Variants in SUCLA2 observed in about 807,000 individuals in gnomAD.
SUCLA2 encodes the protein succinate-CoA ligase ADP-forming subunit beta.
SUCLA2 carries 30 observed loss-of-function variants against 54.8 expected under a neutral mutation model. The observed-to-expected ratio is 0.55, with a 90% confidence interval of 0.41 to 0.74. The LOEUF is 0.74. Among genes scored for constraint, SUCLA2 ranks in the 30% least tolerant of loss-of-function variants. The pLI, the probability that SUCLA2 is intolerant of heterozygous loss-of-function variation, is 0.00. For synonymous variants in SUCLA2, 172 were observed against 188.9 expected (o/e 0.91, Z 0.74); for missense variants, 476 against 562.9 (o/e 0.85, Z 1.56).
rs1333995641 is a variant in SUCLA2, at chr13:47,947,246, GTATGCATGTGTATGCACACACGCACAAT to G, written c.1317+1666_1317+1693del. Among the ~76,000 whole-genome samples the G allele has an allele frequency of 3.3e-5, 5 of 150,702 alleles. No individual in the cohort carries two copies. The Admixed American group carries it at 3.3e-4, about 10-fold the overall frequency. On this transcript the variant is annotated intron_variant, in intron 10 of 10. Transcript: ENST00000646932. ...CAGTATGCCAGTGGAACACACATGT[GTATGCATGTGTATGCACACACGCACAAT>G]ACACACACACACACACACACACACA...
chr13:48,000,891 T>A, intron 1 of SUCLA2: 1 of 1,303,026 alleles, frequency 7.7e-7, no homozygotes, highest in Non-Finnish European at 9.8e-7. Flanking sequence ...CCCCCTCACC[T>A]CCACTCAGAG....
At chr13:47,973,207 T>C in intron 5 of SUCLA2, 57 bp downstream of exon 5, 1 of 1,453,904 alleles carries the variant, frequency 6.9e-7, no homozygotes, top group East Asian at 2.3e-5. Flanking sequence ...TACGGTTATC[T>C]TTAAGTATCA....
At chr13:47,951,106 C>A (rs1277511811) in intron 8 of SUCLA2, among the ~76,000 whole-genome samples, 1 of 152,114 alleles carries the variant, frequency 6.6e-6, no homozygotes, top group African/African-American at 2.4e-5. Context: ...TGGATCTTTA[C>A]TCTACCAAGC....
At chr13:47,972,487 G>T (rs923379334) in intron 5 of SUCLA2, among the ~76,000 whole-genome samples, 1 of 151,652 alleles carries the variant, frequency 6.6e-6, no homozygotes, top group African/African-American at 2.4e-5. Context: ...TGATCAACAA[G>T]ATGAAACTCC....
chr13:47,972,399 T>A (rs1460010807), intron 5 of SUCLA2, among the ~76,000 whole-genome samples: 1 of 152,110 alleles, frequency 6.6e-6, no homozygotes, highest in African/African-American at 2.4e-5. Flanking sequence ...CTGGGCGCGC[T>A]GGCTCACGCC....
intron 5 of SUCLA2, chr13:47,971,677 G>GT (rs1342781131): frequency 5.0e-5 from 19 of 380,874 alleles, no homozygotes; most frequent in African/African-American, 3.9e-4. Context: ...GGACCACAGC[G>GT]TTCATCGAAT....
At chr13:47,962,506 A>G (rs1191841636) in intron 6 of SUCLA2, among the ~76,000 whole-genome samples, 1 of 152,208 alleles carries the variant, frequency 6.6e-6, no homozygotes, top group Non-Finnish European at 1.5e-5. Context: ...AGTATATGGG[A>G]CTGAAGATTA....
intron 6 of SUCLA2, among the ~76,000 whole-genome samples, chr13:47,958,925 A>AC (rs1949843838): frequency 6.6e-6 from 1 of 152,172 alleles, no homozygotes; most frequent in Non-Finnish European, 1.5e-5. Context: ...TTTTAGGTAA[A>AC]CTTCTTGTGT....
chr13:48,000,863 C>T (rs1950224714), intron 1 of SUCLA2: 38 of 1,187,348 alleles, frequency 3.2e-5, no homozygotes, highest in Non-Finnish European at 4.0e-5. Context: ...GCCGGAATGG[C>T]AGCAGAAAAT....
chr13:47,950,805 C>G lies in SUCLA2; in HGVS notation c.1108-1202G>C, dbSNP rs529396867. On this transcript the variant is annotated intron_variant, in intron 8 of 10. Transcript: ENST00000646932. ...TCTGGGGCAGCAGGAGCCTCAGGGCCAGTGGACTCTGACTACAAGCAATCT... is the reference window on the plus strand; with the variant it reads ...TCTGGGGCAGCAGGAGCCTCAGGGCGAGTGGACTCTGACTACAAGCAATCT... 2.4e-4 allele frequency among the ~76,000 whole-genome samples: 37 copies of G among 152,236 alleles called. No homozygotes were observed. In the South Asian group the frequency reaches 7.5e-3, roughly 31 times the overall value.
intron 6 of SUCLA2, among the ~76,000 whole-genome samples, chr13:47,965,985 T>C (rs1001047408): frequency 1.3e-5 from 2 of 152,118 alleles, no homozygotes; most frequent in African/African-American, 4.8e-5. Context: ...GAGGTGGAGC[T>C]TGCAGTCAGC....
chr13:47,992,760 T>C (rs560467517), intron 2 of SUCLA2, among the ~76,000 whole-genome samples: 1 of 152,268 alleles, frequency 6.6e-6, no homozygotes, highest in Admixed American at 6.5e-5. Flanking sequence ...AATAAATATT[T>C]AAAAGAAAGA....
Position 47,968,723 on chromosome 13 carries a change from T to C in SUCLA2, c.674A>G (p.Lys225Arg). 1 of 1,612,502 alleles carries C rather than the reference T, an allele frequency of 6.2e-7. No homozygotes were observed. Among genetic ancestry groups the C allele is most frequent in the Non-Finnish European group, 8.5e-7 (1 of 1,179,882 alleles). ...CACAATATTAGGTGGAAATCCCATC[T>C]TCTGTGCAAGCTGAAATCAATATGT... The part of the protein sequence containing the change: ...KKEQALQLAQ[K>R]MGFPPNIVES... The change falls in exon 6 of 11, where the codon AAG (lysine) becomes AGG (arginine). Residue 225 changes from lysine (K) to arginine (R), a missense_variant. Physicochemically the swap from Lys to Arg is conservative, Grantham distance 26. This residue lies in a region of SUCLA2 where 342 missense variants were observed against 444.2 expected (regional missense o/e 0.77). Transcript: ENST00000646932.
intron 4 of SUCLA2, chr13:47,987,754 T>G (rs1950114605): frequency 6.6e-6 from 1 of 152,098 alleles, no homozygotes; most frequent in Admixed American, 6.5e-5. Context: ...AAAATTTTTG[T>G]TACTCTAAAT....
chr13:47,955,926 C>T (rs189488132), intron 6 of SUCLA2, among the ~76,000 whole-genome samples: 1 of 152,148 alleles, frequency 6.6e-6, no homozygotes, highest in Admixed American at 6.5e-5. Context: ...TGGAGCCCAG[C>T]TAAGTTAAGT....
intron 6 of SUCLA2, among the ~76,000 whole-genome samples, chr13:47,957,425 G>C (rs917573580): frequency 1.3e-5 from 2 of 152,178 alleles, no homozygotes; most frequent in African/African-American, 4.8e-5. Flanking sequence ...GATGTGGGCA[G>C]GGAGTCTCAG....
At chr13:47,994,828 C>G (rs1401483917) in intron 2 of SUCLA2, 1 of 985,138 alleles carries the variant, frequency 1.0e-6, no homozygotes, top group Non-Finnish European at 1.2e-6. Context: ...GAGTTCTGGT[C>G]CCAGAGAACT....
At chr13:47,980,350 G>A (rs1950051078) in intron 4 of SUCLA2, among the ~76,000 whole-genome samples, 1 of 152,114 alleles carries the variant, frequency 6.6e-6, no homozygotes, top group Admixed American at 6.5e-5. Context: ...GGGAAATGCA[G>A]GTTGCAGTGA....
chr13:47,997,118 A>C, intron 1 of SUCLA2, 95 bp from the exon 2 acceptor site: 1 of 1,282,870 alleles, frequency 7.8e-7, no homozygotes, highest in Non-Finnish European at 1.1e-6. Context: ...AAACTGTTAC[A>C]TTACATTAGC....
Sources: allele counts gnomAD v4.1 joint callset (sites outside exome capture counted in the v4.1 genomes callset), GRCh38; gene constraint gnomAD v4.1.1; regional missense constraint gnomAD v4.1.1; transcripts MANE v1.5; gene names NCBI Gene and HGNC (gene_info 2026-07-23, HGNC 2026-07-21).